ZNF618: variants seen among roughly 807,000 people sequenced by gnomAD.
ZNF618 encodes zinc finger protein 618, also known as neural precursor cell expressed, developmentally down-regulated 10.
Under a neutral mutation model 103.0 loss-of-function variants are expected in ZNF618, and 34 were observed. That is an observed-to-expected ratio of 0.33 (90% CI 0.25 to 0.44). The LOEUF is 0.44. ZNF618 is among the 20% of genes least tolerant of loss of function. The pLI is 1.00. For missense variants in ZNF618, 1,059 were observed against 1,295.4 expected, an observed-to-expected ratio of 0.82 and a Z score of 2.80; for synonymous variants, 551 against 542.2, an observed-to-expected ratio of 1.02 and a Z score of -0.23.
At chr9:113,985,543 G>A (rs938798254) in intron 2 of ZNF618, among the ~76,000 whole-genome samples, 1 of 152,166 alleles carries the variant, frequency 6.6e-6, no homozygotes, top group African/African-American at 2.4e-5. Flanking sequence ...GGGGACTCTT[G>A]CTCATGATAT....
chr9:113,897,176 G>T (rs1297018674), intron 1 of ZNF618, among the ~76,000 whole-genome samples: 1 of 151,950 alleles, frequency 6.6e-6, no homozygotes, highest in Non-Finnish European at 1.5e-5. Flanking sequence ...GATGTGTTTT[G>T]TTTCATCTAA....
At chr9:113,908,968 T>C (rs976415488) in intron 1 of ZNF618, among the ~76,000 whole-genome samples, 1 of 151,814 alleles carries the variant, frequency 6.6e-6, no homozygotes, top group Non-Finnish European at 1.5e-5. Flanking sequence ...TAGTCTCCTA[T>C]GGGGCTTCAG....
chr9:113,912,266 A>G (rs1017642613), intron 1 of ZNF618, among the ~76,000 whole-genome samples: 1 of 152,138 alleles, frequency 6.6e-6, no homozygotes, highest in African/African-American at 2.4e-5. Flanking sequence ...GAGAACATAC[A>G]GGAGAAGGCA....
At chr9:113,945,425 G>T (rs1362418507) in intron 1 of ZNF618, among the ~76,000 whole-genome samples, 2 of 152,224 alleles carry the variant, frequency 1.3e-5, no homozygotes, top group Non-Finnish European at 2.9e-5. Context: ...ATCTTGGCTT[G>T]ACATTTCTCT....
At position 114,007,423 on chromosome 9, in the gene ZNF618, C is replaced by G. The variant is rs766276197; in HGVS notation, c.624C>G (p.Asp208Glu). 1 of 1,586,418 alleles carries G rather than the reference C, an allele frequency of 6.3e-7. No individual in the cohort carries two copies. Among genetic ancestry groups the G allele is most frequent in the Non-Finnish European group, 8.6e-7 (1 of 1,166,634 alleles). Residue 208 changes from aspartate (D) to glutamate (E), a missense_variant, in exon 7 of 15, where the codon GAC becomes GAG. Asp to Glu is a conservative substitution (Grantham distance 45). Transcript: ENST00000374126. ...KYYSCFQEHR[D>E]LHAVDVFSVE... ...ACAGCTGTTTCCAAGAGCACCGAGA[C>G]CTGCACGCAGTGGATGGTGAGTCAG...
intron 6 of ZNF618, among the ~76,000 whole-genome samples, chr9:114,003,296 A>C (rs562922892): frequency 6.6e-6 from 1 of 152,370 alleles, no homozygotes; most frequent in African/African-American, 2.4e-5. Flanking sequence ...GTGAGCAGCC[A>C]AGCTGGTGTA....
intron 11 of ZNF618, among the ~76,000 whole-genome samples, chr9:114,032,183 G>C (rs1398254924): frequency 6.6e-6 from 1 of 152,232 alleles, no homozygotes; most frequent in Admixed American, 6.5e-5. Flanking sequence ...CCTGTCACCA[G>C]GGACCACCTA....
intron 10 of ZNF618, among the ~76,000 whole-genome samples, chr9:114,019,694 T>A (rs1842919650): frequency 6.6e-6 from 1 of 152,266 alleles, no homozygotes; most frequent in African/African-American, 2.4e-5. Flanking sequence ...GGGCTGTTTG[T>A]CTTTTTTATT....
chr9:113,947,984 A>G (rs1020267246), intron 1 of ZNF618, among the ~76,000 whole-genome samples: 3 of 152,178 alleles, frequency 2.0e-5, no homozygotes, highest in African/African-American at 7.2e-5. Flanking sequence ...ACTCTTGACA[A>G]AGAGCATCAG....
At chr9:113,885,017 G>C (rs576482444) in intron 1 of ZNF618, among the ~76,000 whole-genome samples, 1 of 152,322 alleles carries the variant, frequency 6.6e-6, no homozygotes, top group Non-Finnish European at 1.5e-5. Flanking sequence ...TCCCTTCCCT[G>C]TTATAATTAG....
intron 14 of ZNF618, among the ~76,000 whole-genome samples, chr9:114,048,447 C>T (rs1234144078): frequency 6.6e-6 from 1 of 152,224 alleles, no homozygotes; most frequent in Non-Finnish European, 1.5e-5. Flanking sequence ...TTCCCATGCT[C>T]ATGGCAGGCC....
chr9:113,908,857 A>G (rs2131391842), intron 1 of ZNF618, among the ~76,000 whole-genome samples: 1 of 151,960 alleles, frequency 6.6e-6, no homozygotes, highest in South Asian at 2.1e-4. Flanking sequence ...TTGCCCTTCA[A>G]TCTCTGAAGT....
chr9:113,935,313 G>A (rs1173362914), intron 1 of ZNF618, among the ~76,000 whole-genome samples: 2 of 152,136 alleles, frequency 1.3e-5, no homozygotes, highest in African/African-American at 2.4e-5. Context: ...TTCACTAAGA[G>A]GAGCATCTCA....
intron 1 of ZNF618, among the ~76,000 whole-genome samples, chr9:113,964,243 C>G (rs1047221098): frequency 6.6e-6 from 1 of 152,184 alleles, no homozygotes; most frequent in Admixed American, 6.5e-5. Flanking sequence ...AGGCTCGGTT[C>G]TCTTATCGAA....
At chr9:114,023,617 C>CT (rs1319574428) in intron 10 of ZNF618, among the ~76,000 whole-genome samples, 7 of 151,982 alleles carry the variant, frequency 4.6e-5, no homozygotes, top group Admixed American at 4.6e-4. Context: ...TTCTTTAATT[C>CT]TTGAAGAACT....
chr9:113,991,176 C>T (rs1840025697), intron 3 of ZNF618, among the ~76,000 whole-genome samples: 1 of 152,202 alleles, frequency 6.6e-6, no homozygotes, highest in Non-Finnish European at 1.5e-5. Flanking sequence ...AGCCCCAGGA[C>T]CCGTGAGCCT....
intron 2 of ZNF618, among the ~76,000 whole-genome samples, chr9:113,984,359 CT>C (rs1588234306): frequency 6.6e-6 from 1 of 152,316 alleles, no homozygotes; most frequent in East Asian, 1.9e-4. Context: ...ATCATGGCAG[CT>C]GCCATTCATG....
At chr9:113,933,577 G>A (rs934512384) in intron 1 of ZNF618, among the ~76,000 whole-genome samples, 4 of 152,104 alleles carry the variant, frequency 2.6e-5, no homozygotes, top group Non-Finnish European at 4.4e-5. Context: ...GGAGAGAGGC[G>A]AAAGTCTCAA....
intron 1 of ZNF618, among the ~76,000 whole-genome samples, chr9:113,949,653 T>TGAA (rs1835359734): frequency 6.6e-6 from 1 of 152,234 alleles, no homozygotes; most frequent in Non-Finnish European, 1.5e-5. Context: ...CCTCCCGGAC[T>TGAA]GAAGGGCAGG....
Sources: allele counts gnomAD v4.1 joint callset (sites outside exome capture counted in the v4.1 genomes callset), GRCh38; gene constraint gnomAD v4.1.1; transcripts MANE v1.5; gene names NCBI Gene and HGNC (gene_info 2026-07-23, HGNC 2026-07-21).